TNFSF4: variants seen among roughly 807,000 people sequenced by gnomAD.
TNFSF4 encodes the protein tumor necrosis factor ligand superfamily member 4.
TNFSF4 carries 4 observed loss-of-function variants against 7.3 expected under a neutral mutation model. The ratio of observed to expected loss-of-function variants is 0.55; its 90% confidence interval spans 0.27 to 1.25. TNFSF4 has a LOEUF of 1.25. TNFSF4 is among the 50% of genes most tolerant of loss of function. TNFSF4 has a pLI of 0.12. For missense variants in TNFSF4, 181 were observed against 208.8 expected (o/e 0.87, Z 0.82); for synonymous variants, 76 against 83.7 (o/e 0.91, Z 0.50).
the TNFSF4 span, among the ~76,000 whole-genome samples, chr1:173,375,378 C>A: frequency 6.6e-6 from 1 of 152,166 alleles, no homozygotes; most frequent in African/African-American, 2.4e-5. Context: ...GCAGTCATCA[C>A]CCAATTCCCA....
chr1:173,283,927 CA>C, the TNFSF4 span, among the ~76,000 whole-genome samples: 12,102 of 62,450 alleles, frequency 0.19, 443 homozygotes, highest in Middle Eastern at 0.24. Context: ...CTTATGAATG[CA>C]AAAAAAAAAA....
chr1:173,342,516 CAA>C, the TNFSF4 span, among the ~76,000 whole-genome samples: 68 of 146,300 alleles, frequency 4.6e-4, no homozygotes, highest in African/African-American at 1.6e-3. Flanking sequence ...ATGCATTATG[CAA>C]AAAAAAAAAT....
chr1:173,247,922 T>C, the TNFSF4 span, among the ~76,000 whole-genome samples: 1 of 152,166 alleles, frequency 6.6e-6, no homozygotes, highest in Non-Finnish European at 1.5e-5. Flanking sequence ...TGAACAAGTG[T>C]TACATTAAAG....
chr1:173,393,038 G>A, the TNFSF4 span, among the ~76,000 whole-genome samples: 1 of 152,166 alleles, frequency 6.6e-6, no homozygotes, highest in African/African-American at 2.4e-5. Flanking sequence ...ATACAAGGGA[G>A]ACGTGAACAC....
At chr1:173,265,822 G>A in the TNFSF4 span, among the ~76,000 whole-genome samples, 4 of 151,946 alleles carry the variant, frequency 2.6e-5, no homozygotes, top group Admixed American at 6.6e-5. Context: ...TTTAATTTGC[G>A]TTAGTGGTAA....
At chr1:173,335,694 C>T in the TNFSF4 span, among the ~76,000 whole-genome samples, 2 of 152,124 alleles carry the variant, frequency 1.3e-5, no homozygotes, top group South Asian at 4.1e-4. Context: ...AGGGTGATGT[C>T]CCCTCTATCA....
the TNFSF4 span, among the ~76,000 whole-genome samples, chr1:173,177,622 A>G: frequency 5.3e-5 from 8 of 152,192 alleles, no homozygotes; most frequent in Admixed American, 5.2e-4. Context: ...CAGATTCTAT[A>G]TGGGAATTTT....
chr1:173,302,879 T>C, the TNFSF4 span, among the ~76,000 whole-genome samples: 7 of 151,842 alleles, frequency 4.6e-5, no homozygotes, highest in African/African-American at 1.7e-4. Flanking sequence ...AAAGACACCT[T>C]TGAAAAACAG....
chr1:173,173,801 C>T, the TNFSF4 span, among the ~76,000 whole-genome samples: 1 of 152,250 alleles, frequency 6.6e-6, no homozygotes, highest in Non-Finnish European at 1.5e-5. Flanking sequence ...GGGCCCTGGG[C>T]TGTGCCCAGA....
the TNFSF4 span, among the ~76,000 whole-genome samples, chr1:173,290,242 A>G: frequency 9.8e-5 from 15 of 152,296 alleles, no homozygotes; most frequent in South Asian, 1.0e-3. Context: ...TCACACATCA[A>G]TATCAACCTT....
chr1:173,205,129 T>TA (rs1174862429), intron 1 of TNFSF4, among the ~76,000 whole-genome samples: 1 of 151,974 alleles, frequency 6.6e-6, no homozygotes, highest in Non-Finnish European at 1.5e-5. Context: ...TAATTAGAAA[T>TA]AAAAAAATTA....
the TNFSF4 span, among the ~76,000 whole-genome samples, chr1:173,272,139 T>C: frequency 5.3e-5 from 8 of 152,014 alleles, no homozygotes; most frequent in South Asian, 6.2e-4. Context: ...TAGGTGGGAA[T>C]TGAACAATGA....
the TNFSF4 span, among the ~76,000 whole-genome samples, chr1:173,307,642 G>A: frequency 2.3e-3 from 352 of 151,938 alleles, 2 homozygotes; most frequent in African/African-American, 7.8e-3. Flanking sequence ...AAGGTCTTTT[G>A]TTCTCATGAA....
At chr1:173,426,791 G>C in the TNFSF4 span, among the ~76,000 whole-genome samples, 1 of 151,980 alleles carries the variant, frequency 6.6e-6, no homozygotes, top group South Asian at 2.1e-4. Context: ...ACAAGGTCTC[G>C]CTATGTTGCC....
chr1:173,405,454 G>C, the TNFSF4 span, among the ~76,000 whole-genome samples: 1 of 152,190 alleles, frequency 6.6e-6, no homozygotes, highest in Non-Finnish European at 1.5e-5. Flanking sequence ...TGGCCCACAG[G>C]TCACAGTTTA....
the TNFSF4 span, among the ~76,000 whole-genome samples, chr1:173,395,377 A>AATATATATATAT: frequency 3.1e-3 from 196 of 63,172 alleles, 4 homozygotes; most frequent in Non-Finnish European, 3.6e-3. Flanking sequence ...CTGTGTATAT[A>AATATATATATAT]ATATATATAT....
chr1:173,322,936 C>T, the TNFSF4 span, among the ~76,000 whole-genome samples: 2 of 152,168 alleles, frequency 1.3e-5, no homozygotes, highest in East Asian at 3.9e-4. Flanking sequence ...GGCCTGCCTG[C>T]CTCTATAGAC....
chr1:173,272,361 C>G, the TNFSF4 span, among the ~76,000 whole-genome samples: 2 of 149,926 alleles, frequency 1.3e-5, no homozygotes, highest in Admixed American at 1.3e-4. Flanking sequence ...AAAACAGATT[C>G]TGAGAATTTA....
the TNFSF4 span, among the ~76,000 whole-genome samples, chr1:173,381,749 G>T: frequency 6.6e-6 from 1 of 152,188 alleles, no homozygotes; most frequent in Non-Finnish European, 1.5e-5. Context: ...TGTTTAGAGG[G>T]GGGATTGACA....
Sources: allele counts gnomAD v4.1 joint callset (sites outside exome capture counted in the v4.1 genomes callset), GRCh38; gene constraint gnomAD v4.1.1; transcripts MANE v1.5; gene names NCBI Gene and HGNC (gene_info 2026-07-23, HGNC 2026-07-21).